Variants in SPATS2L observed in about 807,000 individuals in gnomAD.
The protein encoded by SPATS2L is SPATS2-like protein.
In SPATS2L, 30 loss-of-function variants were observed where a neutral mutation model predicts 59.6. The observed-to-expected ratio is 0.50, with a 90% CI of 0.38 to 0.68. The LOEUF (loss-of-function observed/expected upper bound fraction) is 0.68, where lower values mean the gene tolerates loss of function less well. SPATS2L is among the 30% of genes least tolerant of loss of function. The probability of loss-of-function intolerance (pLI) is 0.00; values close to 1 mark genes in which losing one functional copy is unlikely to be tolerated. For missense variants in SPATS2L, 615 were observed against 700.0 expected (o/e 0.88, Z 1.37); for synonymous variants, 252 against 263.5 (o/e 0.96, Z 0.42).
chr2:200,352,424 A>T (rs1172968776), intron 2 of SPATS2L, among the ~76,000 whole-genome samples: 5 of 147,156 alleles, frequency 3.4e-5, no homozygotes, highest in Non-Finnish European at 3.0e-5. Flanking sequence ...CCCAAATAAC[A>T]GGCTTAACTA....
Position 200,469,976 on chromosome 2 carries a change from C to T in SPATS2L, c.1020C>T (p.Asp340=). Reference sequence around the variant, plus strand: ...GGAAAGCTGCCCGGTTTTCCTGTGACATCGAACAGCTGAAGGCCCAAATCA... The same window carrying T: ...GGAAAGCTGCCCGGTTTTCCTGTGATATCGAACAGCTGAAGGCCCAAATCA... ...ELGKAARFSC[D]IEQLKAQIML... Residue 340 remains aspartate, a synonymous_variant, in exon 11 of 13, where the codon GAC becomes GAT. Coordinates refer to ENST00000409140, the MANE Select transcript of SPATS2L (RefSeq NM_001100423.2). 1 of 1,612,206 alleles carries T rather than the reference C, an allele frequency of 6.2e-7. No homozygotes were observed. The highest frequency in any genetic ancestry group is 1.1e-5 in the South Asian group (1 of 90,512).
intron 2 of SPATS2L, among the ~76,000 whole-genome samples, chr2:200,334,709 C>A (rs1193462203): frequency 6.6e-6 from 1 of 151,886 alleles, no homozygotes; most frequent in African/African-American, 2.4e-5. Flanking sequence ...AGGAAGGGAT[C>A]CAGTTTCAGC....
chr2:200,461,365 T>C (rs1045925936), intron 9 of SPATS2L: 2 of 152,232 alleles, frequency 1.3e-5, no homozygotes, highest in Admixed American at 1.3e-4. Flanking sequence ...ATTTTCTTTA[T>C]GCTGATTTCT....
chr2:200,411,801 C>CT (rs1406629284), intron 3 of SPATS2L, among the ~76,000 whole-genome samples: 1 of 152,200 alleles, frequency 6.6e-6, no homozygotes, highest in African/African-American at 2.4e-5. Context: ...AAATACAATG[C>CT]TCCACATTTT....
At chr2:200,384,370 T>G (rs1246033556) in intron 2 of SPATS2L, among the ~76,000 whole-genome samples, 1 of 137,146 alleles carries the variant, frequency 7.3e-6, no homozygotes, top group African/African-American at 2.8e-5. Flanking sequence ...ATTTATTTAT[T>G]TGAGATGGAG....
intron 4 of SPATS2L, among the ~76,000 whole-genome samples, chr2:200,413,300 ATCTC>A (rs1314676008): frequency 6.9e-6 from 1 of 145,594 alleles, no homozygotes; most frequent in Non-Finnish European, 1.5e-5. Flanking sequence ...TATCTTATCT[ATCTC>A]TAAAATCTTT....
intron 2 of SPATS2L, among the ~76,000 whole-genome samples, chr2:200,335,428 A>G (rs2080111832): frequency 6.6e-6 from 1 of 152,046 alleles, no homozygotes; most frequent in African/African-American, 2.4e-5. Flanking sequence ...CCTCTAAGAC[A>G]GGAAAGAGAA....
intron 3 of SPATS2L, 57 bp from the exon 4 acceptor site, chr2:200,412,254 A>G: frequency 9.2e-7 from 1 of 1,081,710 alleles, no homozygotes; most frequent in South Asian, 1.8e-5. Flanking sequence ...CAATTCATAG[A>G]TGAAAAATAT....
chr2:200,350,726 C>T (rs2080694997), intron 2 of SPATS2L, among the ~76,000 whole-genome samples: 1 of 151,802 alleles, frequency 6.6e-6, no homozygotes. Flanking sequence ...GTAGAGATGG[C>T]GTTTCACCAT....
intron 8 of SPATS2L, among the ~76,000 whole-genome samples, chr2:200,442,657 C>T (rs2106114749): frequency 6.6e-6 from 1 of 152,272 alleles, no homozygotes; most frequent in East Asian, 1.9e-4. Context: ...TAGCAATGCC[C>T]TCAAATTACC....
At chr2:200,352,738 T>C (rs1436272549) in intron 2 of SPATS2L, among the ~76,000 whole-genome samples, 1 of 152,208 alleles carries the variant, frequency 6.6e-6, no homozygotes, top group African/African-American at 2.4e-5. Flanking sequence ...ATTGCTTTCT[T>C]GTTCCTTAGC....
At chr2:200,340,618 C>T (rs3769467) in intron 2 of SPATS2L, among the ~76,000 whole-genome samples, 4,138 of 152,160 alleles carry the variant, frequency 0.027, 118 homozygotes, top group East Asian at 0.12. Context: ...AGGCACAGCC[C>T]TTTCTGCTCA....
At chr2:200,380,970 C>T (rs1208045098) in intron 2 of SPATS2L, among the ~76,000 whole-genome samples, 1 of 152,036 alleles carries the variant, frequency 6.6e-6, no homozygotes, top group Non-Finnish European at 1.5e-5. Context: ...GGAAATTAAA[C>T]CACAGAAACA....
At chr2:200,397,163 C>T (rs930889576) in intron 3 of SPATS2L, among the ~76,000 whole-genome samples, 4 of 152,222 alleles carry the variant, frequency 2.6e-5, no homozygotes, top group African/African-American at 9.7e-5. Flanking sequence ...ACCCCCACTC[C>T]TTCCAGTCTT....
intron 1 of SPATS2L, among the ~76,000 whole-genome samples, chr2:200,311,432 T>C (rs376351174): frequency 1.3e-5 from 2 of 152,240 alleles, no homozygotes; most frequent in East Asian, 3.9e-4. Context: ...TAAGGTGGAG[T>C]GATGGGCCCC....
chr2:200,400,191 TTAAAG>T (rs1409799368), intron 3 of SPATS2L, among the ~76,000 whole-genome samples: 6 of 152,104 alleles, frequency 3.9e-5, no homozygotes, highest in Non-Finnish European at 7.4e-5. Context: ...CAGTAATAAA[TTAAAG>T]TATAGAATTC....
At chr2:200,344,002 T>C (rs908952317) in intron 2 of SPATS2L, among the ~76,000 whole-genome samples, 18 of 152,056 alleles carry the variant, frequency 1.2e-4, no homozygotes, top group Non-Finnish European at 2.1e-4. Context: ...GAACATATAC[T>C]GCTTTCATAA....
chr2:200,412,671 T>G (rs1237778983), intron 4 of SPATS2L, among the ~76,000 whole-genome samples: 1 of 152,012 alleles, frequency 6.6e-6, no homozygotes, highest in Non-Finnish European at 1.5e-5. Context: ...ATCTCTCATT[T>G]AAGGAAAAAA....
chr2:200,378,213 C>T (rs974593650), intron 2 of SPATS2L: 2 of 1,001,910 alleles, frequency 2.0e-6, no homozygotes, highest in Non-Finnish European at 2.4e-6. Context: ...TGGTTTCTGG[C>T]TCCACATTCG....
Sources: allele counts gnomAD v4.1 joint callset (sites outside exome capture counted in the v4.1 genomes callset), GRCh38; gene constraint gnomAD v4.1.1; transcripts MANE v1.5; gene names NCBI Gene and HGNC (gene_info 2026-07-23, HGNC 2026-07-21).